DESI2: variants seen among roughly 807,000 people sequenced by gnomAD.
DESI2 encodes desumoylating isopeptidase 2.
DESI2 carries 10 observed loss-of-function variants against 24.1 expected under a neutral mutation model. That is an observed-to-expected ratio of 0.41 (90% CI 0.26 to 0.70). The LOEUF (loss-of-function observed/expected upper bound fraction) is 0.70. DESI2 is among the 30% of genes least tolerant of loss of function. The probability of loss-of-function intolerance (pLI) is 0.29; values close to 1 mark genes in which losing one functional copy is unlikely to be tolerated. For synonymous variants in DESI2, 71 were observed against 87.7 expected (o/e 0.81, Z 1.06); for missense variants, 122 against 234.9 (o/e 0.52, Z 3.14).
intron 1 of DESI2, among the ~76,000 whole-genome samples, chr1:244,659,715 A>G (rs544814444): frequency 6.6e-6 from 1 of 152,290 alleles, no homozygotes; most frequent in Non-Finnish European, 1.5e-5. Context: ...CCTGATATTG[A>G]GGTCCATAAT....
intron 1 of DESI2, among the ~76,000 whole-genome samples, chr1:244,680,726 A>G (rs992681691): frequency 1.3e-5 from 2 of 152,172 alleles, no homozygotes; most frequent in African/African-American, 4.8e-5. Flanking sequence ...GGCAAGTGAC[A>G]TTGGTGCAAC....
At chr1:244,676,918 A>AT (rs55638785) in intron 1 of DESI2, among the ~76,000 whole-genome samples, 20 of 134,596 alleles carry the variant, frequency 1.5e-4, no homozygotes, top group African/African-American at 4.9e-4. Flanking sequence ...TATTACATTA[A>AT]TTTTTTTTTT....
At chr1:244,674,375 T>C (rs1411505407) in intron 1 of DESI2, among the ~76,000 whole-genome samples, 2 of 151,192 alleles carry the variant, frequency 1.3e-5, no homozygotes, top group African/African-American at 4.9e-5. Context: ...AGATGAACTA[T>C]ATAAAATGTA....
At chr1:244,661,069 A>G (rs371087242) in intron 1 of DESI2, among the ~76,000 whole-genome samples, 8 of 152,322 alleles carry the variant, frequency 5.3e-5, no homozygotes, top group East Asian at 3.9e-4. Context: ...TTTTAACTAT[A>G]CAATCTACTG....
chr1:244,653,294 CG>C lies in DESI2; in HGVS notation c.-18del. The C allele has an allele frequency of 6.7e-7, 1 of 1,487,910 alleles. No individual in the cohort carries two copies. The highest frequency in any genetic ancestry group is 8.9e-7 in the Non-Finnish European group (1 of 1,123,934). 92.2% of individuals were successfully genotyped at this position (1,487,910 alleles called of 1,614,324 possible). On this transcript the variant is annotated 5_prime_UTR_variant, in exon 1 of 5. Coordinates refer to ENST00000302550, the MANE Select transcript of DESI2 (RefSeq NM_016076.5). Reference sequence around the variant, plus strand: ...GAGACGGAGCGGCTTGAGGACGAGGCGGCGGCCGCGGGGAGGAGGATGGGGG... The same window carrying C: ...GAGACGGAGCGGCTTGAGGACGAGGCGCGGCCGCGGGGAGGAGGATGGGGG...
chr1:244,673,293 AC>A (rs1676307970), intron 1 of DESI2, among the ~76,000 whole-genome samples: 1 of 152,210 alleles, frequency 6.6e-6, no homozygotes, highest in Admixed American at 6.5e-5. Context: ...GGAAGGGCTT[AC>A]CCTCTTTTCC....
chr1:244,688,628 A>G (rs967443470), intron 2 of DESI2, among the ~76,000 whole-genome samples: 4 of 152,248 alleles, frequency 2.6e-5, no homozygotes, highest in Non-Finnish European at 5.9e-5. Flanking sequence ...TATCTGATGT[A>G]CATTTTGTAT....
At chr1:244,698,543 C>T (rs1286585369) in intron 4 of DESI2, among the ~76,000 whole-genome samples, 1 of 152,216 alleles carries the variant, frequency 6.6e-6, no homozygotes, top group Non-Finnish European at 1.5e-5. Context: ...AGCTTTACTG[C>T]TGCCAAAGAA....
At chr1:244,666,772 A>G (rs1676061203) in intron 1 of DESI2, among the ~76,000 whole-genome samples, 1 of 152,186 alleles carries the variant, frequency 6.6e-6, no homozygotes, top group East Asian at 1.9e-4. Context: ...TAAAGACATA[A>G]CTGAAACTGG....
chr1:244,670,968 G>T (rs924635), intron 1 of DESI2, among the ~76,000 whole-genome samples: 113,521 of 152,134 alleles, frequency 0.75, 42,626 homozygotes, highest in South Asian at 0.86. Context: ...ATCTAAACTG[G>T]AACTAGGGGG....
chr1:244,665,334 G>A (rs139107021), intron 1 of DESI2, among the ~76,000 whole-genome samples: 1 of 152,064 alleles, frequency 6.6e-6, no homozygotes, highest in African/African-American at 2.4e-5. Context: ...TAAAATCTGC[G>A]CTCCTAACTG....
chr1:244,668,263 A>G (rs527501036), intron 1 of DESI2, among the ~76,000 whole-genome samples: 1 of 152,298 alleles, frequency 6.6e-6, no homozygotes, highest in Non-Finnish European at 1.5e-5. Context: ...AAACTGACAT[A>G]CAATTTAGGG....
At chr1:244,701,791 T>C (rs1437587336) in intron 4 of DESI2, among the ~76,000 whole-genome samples, 1 of 152,250 alleles carries the variant, frequency 6.6e-6, no homozygotes, top group African/African-American at 2.4e-5. Context: ...TGTAACAGTA[T>C]ATAGAAATAT....
At chr1:244,700,017 GA>G (rs1388946758) in intron 4 of DESI2, among the ~76,000 whole-genome samples, 1 of 152,186 alleles carries the variant, frequency 6.6e-6, no homozygotes, top group East Asian at 1.9e-4. Flanking sequence ...GACCAACATG[GA>G]ACTGACTGTC....
chr1:244,658,987 C>T (rs994911056), intron 1 of DESI2, among the ~76,000 whole-genome samples: 3 of 151,092 alleles, frequency 2.0e-5, no homozygotes, highest in East Asian at 3.9e-4. Flanking sequence ...TGAATTTTAA[C>T]ATAAATTAAC....
intron 1 of DESI2, among the ~76,000 whole-genome samples, chr1:244,659,401 A>G (rs2148780251): frequency 6.6e-6 from 1 of 152,294 alleles, no homozygotes; most frequent in East Asian, 1.9e-4. Flanking sequence ...CCCAAGATCA[A>G]GGTGTTAGGC....
chr1:244,655,511 G>T (rs10927289), intron 1 of DESI2, among the ~76,000 whole-genome samples: 1 of 152,110 alleles, frequency 6.6e-6, no homozygotes, highest in Non-Finnish European at 1.5e-5. Flanking sequence ...TTTTTGACCT[G>T]GTAGAAGCCA....
chr1:244,686,744 G>T, intron 2 of DESI2, 75 bp downstream of exon 2: 1 of 908,032 alleles, frequency 1.1e-6, no homozygotes. Flanking sequence ...CATAACTATA[G>T]GTCTCTCTTT....
intron 4 of DESI2, among the ~76,000 whole-genome samples, chr1:244,699,448 G>A (rs1172326280): frequency 1.3e-5 from 2 of 151,706 alleles, no homozygotes; most frequent in African/African-American, 4.8e-5. Flanking sequence ...CGGGCATGGT[G>A]GCGCGGACCT....
Sources: allele counts gnomAD v4.1 joint callset (sites outside exome capture counted in the v4.1 genomes callset), GRCh38; gene constraint gnomAD v4.1.1; transcripts MANE v1.5; gene names NCBI Gene and HGNC (gene_info 2026-07-23, HGNC 2026-07-21).